The following KIAA1217 variants were observed in gnomAD, a reference collection of about 807,000 sequenced individuals.
KIAA1217 encodes sickle tail protein homolog.
A neutral mutation model predicts 163.9 loss-of-function variants in KIAA1217; 88 were observed. The observed-to-expected ratio is 0.54, with a 90% CI of 0.45 to 0.64. The LOEUF is 0.64. Among genes scored for constraint, KIAA1217 ranks in the 30% least tolerant of loss-of-function variants. The pLI is 0.00. For missense variants in KIAA1217, 2,372 were observed against 2,475.0 expected (o/e 0.96, Z 0.88); for synonymous variants, 903 against 923.1 (o/e 0.98, Z 0.39).
intron 1 of KIAA1217, among the ~76,000 whole-genome samples, chr10:23,900,434 T>A (rs1230247676): frequency 6.6e-6 from 1 of 152,086 alleles, no homozygotes; most frequent in Admixed American, 6.6e-5. Context: ...CTGGCATTTA[T>A]CAGCCAAGAA....
At chr10:23,994,814 G>A (rs951018415) in intron 1 of KIAA1217, among the ~76,000 whole-genome samples, 7 of 152,172 alleles carry the variant, frequency 4.6e-5, no homozygotes, top group Non-Finnish European at 7.3e-5. Context: ...GAATATGGAA[G>A]CATTGTTAAG....
Position 24,533,233 on chromosome 10 carries a change from T to A in KIAA1217, c.3410T>A (p.Leu1137His), listed in dbSNP as rs1450844931. The A allele has an allele frequency of 3.1e-6, 5 of 1,608,620 alleles. No homozygotes were observed. The East Asian group carries it at 1.1e-4, about 36-fold the overall frequency. ...GAAGGAGACAAAATAATGGCAGAAC[T>A]CCAGGTATGTGGATGAGGTGACTGA... Reference protein sequence around the residue: ...EEEGDKIMAELQAFQKCSFMD... With the variant: ...EEEGDKIMAEHQAFQKCSFMD... The change falls in exon 16 of 21, where the codon CTC (leucine) becomes CAC (histidine). Residue 1137 changes from leucine (L) to histidine (H), a missense_variant. Transcript: ENST00000376454.
chr10:23,960,212 G>C (rs1844764449), intron 1 of KIAA1217, among the ~76,000 whole-genome samples: 1 of 152,036 alleles, frequency 6.6e-6, no homozygotes, highest in Admixed American at 6.5e-5. Flanking sequence ...ACCACGCCCG[G>C]CCAGAATTCT....
Position 23,695,709 on chromosome 10 carries a change from C to G in KIAA1217, c.-321+475C>G, listed in dbSNP as rs371556888. Among the ~76,000 whole-genome samples, 1 of 152,052 alleles carries G rather than the reference C, an allele frequency of 6.6e-6. No individual in the cohort carries two copies. Among genetic ancestry groups the G allele is most frequent in the Non-Finnish European group, 1.5e-5 (1 of 68,008 alleles). ...AGGAGAGAGAGAACCGGCCCCGAGA[C>G]GGGCTGGAGGGTGGGGACACTGGGG... is the stretch of plus-strand genomic sequence containing the variant. On this transcript the variant is annotated intron_variant, in intron 1 of 18. Transcript: ENST00000376462. The surrounding 1 kb of genome is among the most constrained non-coding windows in gnomAD (Gnocchi z 4.9).
chr10:24,494,542 T>C lies in KIAA1217; in HGVS notation c.1722T>C (p.Thr574=). Residue 574 remains threonine, a synonymous_variant, in exon 7 of 21, where the codon ACT becomes ACC. Transcript: ENST00000376454. The part of the protein sequence containing the change: ...QAMEKQIASL[T]GLVQSALFKG... Reference sequence around the variant, plus strand: ...TGGAGAAACAGATTGCCAGTTTAACTGGCCTTGTTCAGTCTGCGCTTTTTA... The same window carrying C: ...TGGAGAAACAGATTGCCAGTTTAACCGGCCTTGTTCAGTCTGCGCTTTTTA... 6.2e-7 allele frequency: 1 copy of C among 1,614,170 alleles called. No homozygotes were observed. Among genetic ancestry groups the C allele is most frequent in the Middle Eastern group, 1.7e-4 (1 of 6,058 alleles).
chr10:24,034,035 C>T (rs2131543108), intron 2 of KIAA1217, among the ~76,000 whole-genome samples: 1 of 152,348 alleles, frequency 6.6e-6, no homozygotes, highest in Middle Eastern at 3.4e-3. Context: ...TGAAGTAGGA[C>T]ATTGGTATTT....
intron 5 of KIAA1217, chr10:24,449,772 C>T: frequency 1.0e-6 from 1 of 981,676 alleles, no homozygotes; most frequent in Non-Finnish European, 1.2e-6. Context: ...AAGGTAAGAA[C>T]TGTGCCTTTA....
At chr10:24,152,260 CT>C (rs1448322138) in intron 2 of KIAA1217, among the ~76,000 whole-genome samples, 1 of 152,184 alleles carries the variant, frequency 6.6e-6, no homozygotes, top group East Asian at 1.9e-4. Context: ...TCTACATTTG[CT>C]GTAAATGCCC....
intron 1 of KIAA1217, among the ~76,000 whole-genome samples, chr10:23,734,923 T>C (rs1201251988): frequency 6.6e-6 from 1 of 152,260 alleles, no homozygotes; most frequent in African/African-American, 2.4e-5. Context: ...AGTCTATACC[T>C]GGTAGTTATT....
intron 2 of KIAA1217, among the ~76,000 whole-genome samples, chr10:24,085,994 A>G (rs1343943229): frequency 6.6e-6 from 1 of 151,500 alleles, no homozygotes; most frequent in Non-Finnish European, 1.5e-5. Context: ...GTGTTTGTTG[A>G]GTCACTTTAA....
At chr10:24,416,819 C>T (rs1195575777) in intron 3 of KIAA1217, among the ~76,000 whole-genome samples, 4 of 152,152 alleles carry the variant, frequency 2.6e-5, no homozygotes, top group Admixed American at 6.5e-5. Context: ...ACTACACGGG[C>T]AGGTTCCCTC....
At chr10:24,444,693 A>C (rs554240605) in intron 5 of KIAA1217, among the ~76,000 whole-genome samples, 14 of 152,138 alleles carry the variant, frequency 9.2e-5, no homozygotes, top group Non-Finnish European at 1.9e-4. Flanking sequence ...CTGTAAAAAT[A>C]TCTCTCTGTT....
upstream of KIAA1217, among the ~76,000 whole-genome samples, chr10:24,205,302 CAAA>C (rs61292023): frequency 5.5e-5 from 2 of 36,610 alleles, no homozygotes; most frequent in East Asian, 1.4e-3. Flanking sequence ...ACTAAAAATA[CAAA>C]AAAAAAAAAA....
intron 2 of KIAA1217, among the ~76,000 whole-genome samples, chr10:24,352,265 G>A (rs1218822589): frequency 2.0e-5 from 3 of 152,188 alleles, no homozygotes; most frequent in African/African-American, 7.2e-5. Context: ...GGGGAGGTGG[G>A]GTGACTCACT....
chr10:24,545,133 G>A, intron 20 of KIAA1217, 30 bp downstream of exon 20: 1 of 1,613,196 alleles, frequency 6.2e-7, no homozygotes, highest in East Asian at 2.2e-5. Flanking sequence ...ACTTTTGGAT[G>A]GACGCTATTT....
In KIAA1217 at chr10:23,766,931, C is replaced by T. The variant is rs376965394; in HGVS notation, c.-321+71697C>T. On this transcript the variant is annotated intron_variant, in intron 1 of 18. Coordinates refer to the KIAA1217 transcript ENST00000376462. ...TTATTCTTACCTCTGTTGAATCATT[C>T]GTTTAGCAAACATTCCATCTACCAC... 1.3e-4 allele frequency among the ~76,000 whole-genome samples: 20 copies of T among 152,282 alleles called. No individual in the cohort carries two copies. The East Asian group carries it at 2.5e-3, about 19-fold the overall frequency.
chr10:23,785,238 G>A (rs1424207344), intron 1 of KIAA1217, among the ~76,000 whole-genome samples: 1 of 152,006 alleles, frequency 6.6e-6, no homozygotes, highest in East Asian at 1.9e-4. Flanking sequence ...TGCGCCATAG[G>A]GCCCCAGACC....
intron 2 of KIAA1217, among the ~76,000 whole-genome samples, chr10:24,236,218 A>G (rs1035814536): frequency 3.3e-5 from 5 of 151,932 alleles, no homozygotes; most frequent in Non-Finnish European, 7.4e-5. Flanking sequence ...ACAACTTCCA[A>G]TTCATATTTC....
intron 2 of KIAA1217, among the ~76,000 whole-genome samples, chr10:24,103,524 T>C (rs887872730): frequency 6.6e-6 from 1 of 152,114 alleles, no homozygotes; most frequent in Non-Finnish European, 1.5e-5. Flanking sequence ...ATTATATAAA[T>C]TATGCAACGA....
Sources: gnomAD v4.1 joint callset for allele counts (sites outside exome capture counted in the v4.1 genomes callset) on GRCh38, gnomAD v4.1.1 for gene constraint, Gnocchi (gnomAD v3.1) non-coding constraint, MANE v1.5 for transcripts, NCBI Gene and HGNC (gene_info 2026-07-23, HGNC 2026-07-21) for gene names.